KDM2A: variants seen among roughly 807,000 people sequenced by gnomAD.
KDM2A encodes lysine-specific demethylase 2A.
A neutral mutation model predicts 137.3 loss-of-function variants in KDM2A; 3 were observed. The observed-to-expected ratio is 0.02, with a 90% confidence interval of 0.01 to 0.06. The LOEUF (loss-of-function observed/expected upper bound fraction) is 0.06. Among genes scored for constraint, KDM2A ranks in the 10% least tolerant of loss-of-function variants. The pLI, the probability that KDM2A is intolerant of heterozygous loss-of-function variation, is 1.00. For synonymous variants in KDM2A, 512 were observed against 541.5 expected (o/e 0.95, Z 0.76); for missense variants, 738 against 1,510.6 (o/e 0.49, Z 8.48).
chr11:67,211,613 CAAAAAAAA>C (rs377116306), intron 6 of KDM2A, among the ~76,000 whole-genome samples: 14 of 50,246 alleles, frequency 2.8e-4, no homozygotes, highest in African/African-American at 5.7e-4. Flanking sequence ...GACCCTGTCT[CAAAAAAAA>C]AAAAAAAAAA....
intron 17 of KDM2A, among the ~76,000 whole-genome samples, chr11:67,251,062 C>T (rs1194611094): frequency 1.3e-5 from 2 of 152,054 alleles, no homozygotes; most frequent in South Asian, 2.1e-4. Context: ...GACTGATTTG[C>T]GGGATAGATT....
At position 67,255,372 on chromosome 11, in the gene KDM2A, C is replaced by A; in HGVS notation, c.*317C>A. The A allele has an allele frequency of 2.2e-6, 1 of 465,016 alleles. No individual in the cohort carries two copies. Among genetic ancestry groups the A allele is most frequent in the Non-Finnish European group, 4.2e-6 (1 of 240,082 alleles). 28.8% of individuals were successfully genotyped at this position (465,016 alleles called of 1,614,324 possible). A position where few individuals can be genotyped will look rare whatever the true frequency, so the allele number is the denominator to read the frequency against. Reference sequence around the variant, plus strand: ...CTCTCAGTTTGGGGTGTTTGTGCAACCTTCATCTGCACTGGGCCCTGTGCC... The same window carrying A: ...CTCTCAGTTTGGGGTGTTTGTGCAAACTTCATCTGCACTGGGCCCTGTGCC... On this transcript the variant is annotated 3_prime_UTR_variant, in exon 21 of 21. Coordinates refer to ENST00000529006, the MANE Select transcript of KDM2A (RefSeq NM_012308.3).
rs1341787219 is a variant in KDM2A at position 67,257,883 on chromosome 11, A to G, written c.*2828A>G. On this transcript the variant is annotated 3_prime_UTR_variant, in exon 21 of 21. Coordinates refer to ENST00000529006, the MANE Select transcript of KDM2A (RefSeq NM_012308.3). Reference sequence around the variant, plus strand: ...CTAGTTGGACTTTGTTTTGTTTTCCAAAAGTTCTCCACTATTGGTTTTAGA... The same window carrying G: ...CTAGTTGGACTTTGTTTTGTTTTCCGAAAGTTCTCCACTATTGGTTTTAGA... The G allele has an allele frequency of 6.6e-6, 1 of 152,174 alleles. No individual in the cohort carries two copies. The highest frequency in any genetic ancestry group is 1.5e-5 in the Non-Finnish European group (1 of 68,038). The allele number at this position is 152,174 out of a possible 1,614,324, so 9.4% of individuals were successfully genotyped here.
At chr11:67,164,239 GTTC>G (rs1297890535) in intron 2 of KDM2A, among the ~76,000 whole-genome samples, 6 of 152,138 alleles carry the variant, frequency 3.9e-5, no homozygotes, top group Non-Finnish European at 5.9e-5. Context: ...TAATCCATTT[GTTC>G]TTCTGATTAT....
At chr11:67,205,330 C>T (rs907185318) in intron 5 of KDM2A, among the ~76,000 whole-genome samples, 1 of 151,936 alleles carries the variant, frequency 6.6e-6, no homozygotes, top group African/African-American at 2.4e-5. Context: ...TATATTCTGC[C>T]TTGTCTATTT....
rs780770391 is a variant in KDM2A, at chr11:67,250,435, C to T, written c.2405C>T (p.Thr802Met). The T allele has an allele frequency of 3.1e-6, 5 of 1,614,032 alleles. No homozygotes were observed. The South Asian group carries it at 3.3e-5, about 11-fold the overall frequency. ...ATCCGGGGATCGTACCTCACTGTCA[C>T]GCTACAGAGGCCCACCAAAGAGCTC... The part of the protein sequence containing the change: ...AKIRGSYLTV[T>M]LQRPTKELHG... The change falls in exon 17 of 21, where the codon ACG becomes ATG. Residue 802 changes from threonine to methionine, a missense_variant. Thr to Met is a moderately conservative substitution (Grantham distance 81, BLOSUM62 -1). Transcript: ENST00000529006. The surrounding 1 kb of genome is among the most constrained non-coding windows in gnomAD (Gnocchi z 7.1).
chr11:67,170,299 C>A (rs183240485), intron 2 of KDM2A, among the ~76,000 whole-genome samples: 7 of 150,776 alleles, frequency 4.6e-5, no homozygotes, highest in African/African-American at 1.7e-4. Context: ...AATAATATAG[C>A]TAGAAATGTA....
At position 67,250,184 on chromosome 11, in the gene KDM2A, A is replaced by G; in HGVS notation, c.2154A>G (p.Ser718=). ...AGCCTCTCACGCCCCCGCCTCATTC[A>G]CCCACTTCCATGCTGCAGCTCATCC... is the stretch of plus-strand genomic sequence containing the variant. The part of the protein sequence containing the change: ...CDEPLTPPPH[S]PTSMLQLIHD... Residue 718 remains serine, a synonymous_variant, in exon 17 of 21, where the codon TCA becomes TCG. Transcript: ENST00000529006. This position sits in a 1 kb window ranked among gnomAD's most constrained non-coding sequence, Gnocchi z 7.1. The G allele has an allele frequency of 1.2e-6, 2 of 1,613,632 alleles. No homozygotes were observed. Among genetic ancestry groups the G allele is most frequent in the South Asian group, 1.1e-5 (1 of 91,050 alleles).
In KDM2A at chr11:67,174,959, T is replaced by C. The variant is rs567171900; in HGVS notation, c.43-5120T>C. Among the ~76,000 whole-genome samples the C allele has an allele frequency of 2.6e-5, 4 of 152,320 alleles. No individual in the cohort carries two copies. In the East Asian group the frequency reaches 7.7e-4, roughly 29 times the overall value. ...TACCTACAGAAAGCCAGTAACTCCC[T>C]TTAGGCTGCTAAAATCACGTATATG... On this transcript the variant is annotated intron_variant, in intron 2 of 20. Coordinates refer to ENST00000529006, the MANE Select transcript of KDM2A (RefSeq NM_012308.3).
At chr11:67,169,725 C>CCT (rs1413644908) in intron 2 of KDM2A, among the ~76,000 whole-genome samples, 6 of 104,012 alleles carry the variant, frequency 5.8e-5, no homozygotes, top group Middle Eastern at 5.1e-3. Context: ...TTCTCTCTCT[C>CCT]TCTCTCCTTC....
intron 12 of KDM2A, among the ~76,000 whole-genome samples, chr11:67,240,976 A>G (rs1859022370): frequency 6.6e-6 from 1 of 152,144 alleles, no homozygotes; most frequent in African/African-American, 2.4e-5. Flanking sequence ...ATTCCCCACA[A>G]AAATCTTGCA....
At chr11:67,191,587 A>G (rs1037735223) in intron 5 of KDM2A, among the ~76,000 whole-genome samples, 4 of 152,256 alleles carry the variant, frequency 2.6e-5, no homozygotes, top group South Asian at 4.1e-4. Context: ...GGAGGAAAAA[A>G]GTTACATGAT....
Position 67,119,410 on chromosome 11 carries a change from C to A in KDM2A, c.-723C>A, listed in dbSNP as rs1399063269. Reference sequence around the variant, plus strand: ...GCGGCTGGGCCCGTGGCCGCTCTGTCTTTCCTGGGCAGGGGACGCTCCGGG... The same window carrying A: ...GCGGCTGGGCCCGTGGCCGCTCTGTATTTCCTGGGCAGGGGACGCTCCGGG... On this transcript the variant is annotated 5_prime_UTR_variant, in exon 1 of 21. Transcript: ENST00000529006. 6.4e-6 allele frequency: 1 copy of A among 156,658 alleles called. No homozygotes were observed. The highest frequency in any genetic ancestry group is 3.2e-3 in the Middle Eastern group (1 of 316). The allele number at this position is 156,658 out of a possible 1,614,324, so 9.7% of individuals were successfully genotyped here. A position where few individuals can be genotyped will look rare whatever the true frequency, so the allele number is the denominator to read the frequency against.
At chr11:67,219,868 C>T (rs573278697) in intron 10 of KDM2A, among the ~76,000 whole-genome samples, 4 of 151,734 alleles carry the variant, frequency 2.6e-5, no homozygotes, top group Non-Finnish European at 5.9e-5. Flanking sequence ...AATTTTAACA[C>T]GATTTACATA....
In KDM2A at chr11:67,253,517, C is replaced by G. The variant is rs766859642; in HGVS notation, c.2997C>G (p.Ser999Arg). ...WSAVSALSTSSCPLLRTLDLR... is the reference protein window; with the variant it reads ...WSAVSALSTSRCPLLRTLDLR... ...CAGTCTCTGCCCTCAGCACCTCCAG[C>G]TGCCCCCTTCTCAGGACCCTTGATC... The change falls in exon 19 of 21, where the codon AGC becomes AGG. Residue 999 changes from serine to arginine, a missense_variant. Physicochemically the swap from Ser to Arg is moderately radical, Grantham distance 110. This residue lies in a region of KDM2A where 166 missense variants were observed against 324.0 expected (regional missense o/e 0.51). Coordinates refer to ENST00000529006, the MANE Select transcript of KDM2A (RefSeq NM_012308.3). 16 of 1,613,986 alleles carry G rather than the reference C, an allele frequency of 9.9e-6. No homozygotes were observed. The East Asian group carries it at 3.6e-4, about 36-fold the overall frequency.
At chr11:67,171,024 C>T (rs1485905362) in intron 2 of KDM2A, among the ~76,000 whole-genome samples, 1 of 152,146 alleles carries the variant, frequency 6.6e-6, no homozygotes, top group African/African-American at 2.4e-5. Flanking sequence ...GTATTAATAT[C>T]TCATAGGGAT....
At chr11:67,228,460 G>A (rs188003686) in intron 11 of KDM2A, among the ~76,000 whole-genome samples, 1 of 152,208 alleles carries the variant, frequency 6.6e-6, no homozygotes, top group East Asian at 1.9e-4. Context: ...GGGAGGCCAA[G>A]GTGGGCGAAT....
intron 2 of KDM2A, among the ~76,000 whole-genome samples, chr11:67,162,972 A>G (rs1430528116): frequency 6.6e-6 from 1 of 152,174 alleles, no homozygotes. Context: ...AGCCTCCCAA[A>G]GCGTTGGGAT....
rs576896314 is a variant in KDM2A at position 67,161,118 on chromosome 11, T to G, written c.43-18961T>G. On this transcript the variant is annotated intron_variant, in intron 2 of 20. Transcript: ENST00000529006. The stretch of plus-strand genomic sequence containing the variant: ...AATTCACACCTGTATTCCCCACACT[T>G]TGGGAGGCCAAGTTGGGAGGATTGC... Among the ~76,000 whole-genome samples the G allele has an allele frequency of 7.9e-5, 12 of 152,290 alleles. No homozygotes were observed. In the South Asian group the frequency reaches 2.1e-3, roughly 26 times the overall value.
Sources: gnomAD v4.1 joint callset for allele counts (sites outside exome capture counted in the v4.1 genomes callset) on GRCh38, gnomAD v4.1.1 for gene constraint, gnomAD v4.1.1 regional missense constraint, Gnocchi (gnomAD v3.1) non-coding constraint, MANE v1.5 for transcripts, NCBI Gene and HGNC (gene_info 2026-07-23, HGNC 2026-07-21) for gene names.